The following TAMM41 variants were observed in gnomAD, a reference collection of about 807,000 sequenced individuals.
TAMM41 encodes the protein TAM41 mitochondrial translocator assembly and maintenance homolog, also known as phosphatidate cytidylyltransferase, mitochondrial.
Under a neutral mutation model 44.1 loss-of-function variants are expected in TAMM41, and 36 were observed. The ratio of observed to expected loss-of-function variants is 0.82; its 90% confidence interval spans 0.63 to 1.08. TAMM41 has a LOEUF of 1.08. Ranked by LOEUF, TAMM41 falls within the 50% of genes least tolerant of loss-of-function variation. TAMM41 has a pLI of 0.00. For missense variants in TAMM41, 417 were observed against 404.3 expected, an observed-to-expected ratio of 1.03 and a Z score of -0.27; for synonymous variants, 164 against 153.1, an observed-to-expected ratio of 1.07 and a Z score of -0.53.
intron 3 of TAMM41, among the ~76,000 whole-genome samples, chr3:11,837,239 G>T (rs2079218972): frequency 6.6e-6 from 1 of 152,102 alleles, no homozygotes; most frequent in South Asian, 2.1e-4. Context: ...ACTGTTGGGG[G>T]AGACACTCGA....
At chr3:11,817,050 C>T (rs2124984695) in intron 5 of TAMM41, 142 bp downstream of exon 5, 2 of 833,254 alleles carry the variant, frequency 2.4e-6, no homozygotes, top group Non-Finnish European at 3.5e-6. Flanking sequence ...TCCAGATACA[C>T]AGAAGCCTAT....
the TAMM41 span, among the ~76,000 whole-genome samples, chr3:11,734,757 C>T: frequency 1.3e-4 from 20 of 151,814 alleles, 1 homozygote; most frequent in Non-Finnish European, 2.1e-4. Context: ...AAATATGGAC[C>T]GGGCACGGTG....
chr3:11,781,664 G>A, the TAMM41 span, among the ~76,000 whole-genome samples: 2 of 151,784 alleles, frequency 1.3e-5, no homozygotes, highest in African/African-American at 4.8e-5. Context: ...GAACCTGGGA[G>A]GTGGAGGTTG....
At chr3:11,792,270 G>A (rs1162278377) in intron 7 of TAMM41, among the ~76,000 whole-genome samples, 1 of 151,954 alleles carries the variant, frequency 6.6e-6, no homozygotes, top group Non-Finnish European at 1.5e-5. Context: ...CAGAAAGACT[G>A]CAGCAGGGAA....
chr3:11,804,818 G>C (rs557389131), intron 7 of TAMM41, among the ~76,000 whole-genome samples: 15 of 151,926 alleles, frequency 9.9e-5, no homozygotes, highest in African/African-American at 3.6e-4. Flanking sequence ...TGTGACACAA[G>C]TGCTACTAAG....
At chr3:11,814,477 A>G (rs1199461392) in intron 5 of TAMM41, among the ~76,000 whole-genome samples, 2 of 152,124 alleles carry the variant, frequency 1.3e-5, no homozygotes, top group Non-Finnish European at 2.9e-5. Flanking sequence ...TCTCCCATAA[A>G]GCTAAATTTA....
the TAMM41 span, among the ~76,000 whole-genome samples, chr3:11,725,321 CCTCCTCCTTTTTTTCTT>C: frequency 1.5e-5 from 2 of 137,802 alleles, no homozygotes; most frequent in African/African-American, 6.4e-5. Flanking sequence ...TTCTTCTCCT[CCTCCTCCTTTTTTTCTT>C]CTCCTCCTCC....
At chr3:11,790,799 G>T (rs1048376584) in intron 7 of TAMM41, among the ~76,000 whole-genome samples, 1 of 152,198 alleles carries the variant, frequency 6.6e-6, no homozygotes. Flanking sequence ...TAGGGCTATG[G>T]ATGCCAACGG....
the TAMM41 span, among the ~76,000 whole-genome samples, chr3:11,784,589 C>T: frequency 1.3e-5 from 2 of 152,268 alleles, no homozygotes; most frequent in East Asian, 1.9e-4. Context: ...GACAGGCACA[C>T]GGGTATTTTT....
chr3:11,783,472 G>A, the TAMM41 span, among the ~76,000 whole-genome samples: 1 of 152,192 alleles, frequency 6.6e-6, no homozygotes, highest in African/African-American at 2.4e-5. Flanking sequence ...AGAAGCCAGG[G>A]CAAGCAACCT....
chr3:11,829,570 G>A (rs1184961278), intron 4 of TAMM41, 144 bp downstream of exon 4: 4 of 781,934 alleles, frequency 5.1e-6, no homozygotes, highest in South Asian at 5.6e-5. Context: ...GGCAAATCAC[G>A]AGGTTAGTGC....
the TAMM41 span, among the ~76,000 whole-genome samples, chr3:11,782,246 AT>A: frequency 2.0e-5 from 3 of 151,836 alleles, no homozygotes; most frequent in Non-Finnish European, 4.4e-5. Flanking sequence ...TGGTTGTAAA[AT>A]TTTTTTTTAA....
At chr3:11,809,129 G>C (rs1486551776) in intron 6 of TAMM41, 1 of 296,262 alleles carries the variant, frequency 3.4e-6, no homozygotes, top group Non-Finnish European at 6.3e-6. Context: ...ACATCAAATG[G>C]AGTTGATTGA....
intron 7 of TAMM41, among the ~76,000 whole-genome samples, chr3:11,802,242 G>T (rs1294619097): frequency 6.6e-6 from 1 of 152,066 alleles, no homozygotes; most frequent in African/African-American, 2.4e-5. Context: ...AGAAAAGTTG[G>T]TTCTTTGAAA....
the TAMM41 span, among the ~76,000 whole-genome samples, chr3:11,753,088 G>A: frequency 2.0e-5 from 3 of 152,118 alleles, no homozygotes; most frequent in African/African-American, 4.8e-5. Context: ...CAATCAGGAT[G>A]AAGTGATGGG....
intron 2 of TAMM41, 36 bp downstream of exon 2, chr3:11,843,993 C>A: frequency 6.3e-7 from 1 of 1,599,644 alleles, no homozygotes; most frequent in Non-Finnish European, 8.5e-7. Flanking sequence ...AGGTAAATAA[C>A]CAGCCAAGTT....
chr3:11,754,397 A>G, the TAMM41 span, among the ~76,000 whole-genome samples: 1 of 152,068 alleles, frequency 6.6e-6, no homozygotes, highest in Non-Finnish European at 1.5e-5. Flanking sequence ...TTTTTTAGGC[A>G]GGGTCTCGCT....
intron 7 of TAMM41, among the ~76,000 whole-genome samples, chr3:11,806,420 C>A (rs1419694836): frequency 1.3e-5 from 2 of 152,044 alleles, no homozygotes; most frequent in African/African-American, 4.8e-5. Flanking sequence ...GGCCATAAAA[C>A]AAGAATAGGA....
the TAMM41 span, among the ~76,000 whole-genome samples, chr3:11,763,702 G>A: frequency 2.0e-5 from 3 of 152,206 alleles, no homozygotes; most frequent in Admixed American, 1.3e-4. Context: ...AACCAATTAC[G>A]TGGGTGTTAT....
Sources: allele counts gnomAD v4.1 joint callset (sites outside exome capture counted in the v4.1 genomes callset), GRCh38; gene constraint gnomAD v4.1.1; transcripts MANE v1.5; gene names NCBI Gene and HGNC (gene_info 2026-07-23, HGNC 2026-07-21).